The following BACH2 variants were observed in gnomAD, a reference collection of about 807,000 sequenced individuals.
BACH2 encodes the protein transcription regulator protein BACH2.
Under a neutral mutation model 61.8 loss-of-function variants are expected in BACH2, and 5 were observed. The observed-to-expected ratio is 0.08, with a 90% CI of 0.04 to 0.17. The LOEUF (loss-of-function observed/expected upper bound fraction) is 0.17. BACH2 is among the 10% of genes least tolerant of loss of function. BACH2 has a pLI of 1.00. For synonymous variants in BACH2, 446 were observed against 440.1 expected (o/e 1.01, Z -0.17); for missense variants, 824 against 1,091.1 (o/e 0.76, Z 3.45).
intron 4 of BACH2, among the ~76,000 whole-genome samples, chr6:90,180,455 G>A (rs899907061): frequency 3.9e-5 from 6 of 152,126 alleles, no homozygotes; most frequent in Non-Finnish European, 7.4e-5. Context: ...GGTAAATCCT[G>A]GGATTTTAGT....
At chr6:90,091,167 A>T (rs1380308278) in intron 4 of BACH2, among the ~76,000 whole-genome samples, 1 of 152,096 alleles carries the variant, frequency 6.6e-6, no homozygotes, top group Non-Finnish European at 1.5e-5. Context: ...TACTATGTTG[A>T]CTCATTGCCT....
chr6:89,940,682 T>C (rs1773369827), intron 7 of BACH2, among the ~76,000 whole-genome samples: 1 of 152,232 alleles, frequency 6.6e-6, no homozygotes, highest in South Asian at 2.1e-4. Flanking sequence ...CAGCCCTGTC[T>C]AATACAAACA....
intron 6 of BACH2, among the ~76,000 whole-genome samples, chr6:89,975,758 C>T (rs1213074738): frequency 6.6e-6 from 1 of 152,166 alleles, no homozygotes; most frequent in African/African-American, 2.4e-5. Flanking sequence ...AAAACAAAGT[C>T]CCACTTATCA....
chr6:90,045,662 G>A (rs1334852579), intron 5 of BACH2, among the ~76,000 whole-genome samples: 1 of 152,104 alleles, frequency 6.6e-6, no homozygotes, highest in East Asian at 1.9e-4. Flanking sequence ...AATTCTTTTG[G>A]TTACTTCAAA....
At chr6:90,053,982 G>A (rs1183849939) in intron 5 of BACH2, among the ~76,000 whole-genome samples, 2 of 152,180 alleles carry the variant, frequency 1.3e-5, no homozygotes, top group African/African-American at 4.8e-5. Flanking sequence ...GAATGCCGGT[G>A]GGGAGGAGCC....
chr6:90,218,965 G>C (rs1218206222), intron 3 of BACH2, among the ~76,000 whole-genome samples: 3 of 151,104 alleles, frequency 2.0e-5, no homozygotes, highest in African/African-American at 2.5e-5. Context: ...GTGACACAGA[G>C]AGTGAGAGTG....
intron 4 of BACH2, among the ~76,000 whole-genome samples, chr6:90,174,162 A>T (rs1767913513): frequency 6.6e-6 from 1 of 152,102 alleles, no homozygotes; most frequent in Admixed American, 6.5e-5. Flanking sequence ...TATGAACATA[A>T]ATGCAAAAAT....
chr6:90,209,360 C>T (rs1009721744), intron 3 of BACH2, among the ~76,000 whole-genome samples: 1 of 151,986 alleles, frequency 6.6e-6, no homozygotes, highest in Admixed American at 6.6e-5. Flanking sequence ...CAAGAAAATT[C>T]AATATCTAAT....
intron 6 of BACH2, among the ~76,000 whole-genome samples, chr6:89,975,308 T>G (rs1462728027): frequency 6.6e-6 from 1 of 152,274 alleles, no homozygotes; most frequent in Non-Finnish European, 1.5e-5. Flanking sequence ...GGTATGGAAC[T>G]CGACTGATAC....
chr6:90,261,229 C>T (rs2127875478), intron 2 of BACH2, among the ~76,000 whole-genome samples: 1 of 152,304 alleles, frequency 6.6e-6, no homozygotes, highest in Admixed American at 6.5e-5. Flanking sequence ...TAGCCCAAAG[C>T]TAATCTTGCC....
intron 4 of BACH2, among the ~76,000 whole-genome samples, chr6:90,090,130 TATATGA>T (rs972355049): frequency 6.6e-6 from 1 of 152,186 alleles, no homozygotes; most frequent in African/African-American, 2.4e-5. Context: ...AAATGTGAGT[TATATGA>T]ATATGAGTAT....
At chr6:90,181,043 T>A (rs763588080) in intron 4 of BACH2, among the ~76,000 whole-genome samples, 1 of 152,272 alleles carries the variant, frequency 6.6e-6, no homozygotes, top group East Asian at 1.9e-4. Context: ...AGTAGTGGGA[T>A]TGCTGGGTTG....
intron 6 of BACH2, among the ~76,000 whole-genome samples, chr6:89,954,298 C>T (rs1347952893): frequency 2.1e-5 from 3 of 143,358 alleles, no homozygotes; most frequent in Non-Finnish European, 3.1e-5. Context: ...CACAGTTTTT[C>T]TTTTTTTTTT....
chr6:90,019,243 C>T (rs973255496), intron 5 of BACH2, among the ~76,000 whole-genome samples: 7 of 152,080 alleles, frequency 4.6e-5, no homozygotes, highest in Non-Finnish European at 8.8e-5. Flanking sequence ...TCTCATTTTT[C>T]CAGTTCATTT....
At chr6:89,986,894 T>TGAATGATACGAA (rs1776271356) in intron 6 of BACH2, among the ~76,000 whole-genome samples, 1 of 152,188 alleles carries the variant, frequency 6.6e-6, no homozygotes, top group Non-Finnish European at 1.5e-5. Context: ...CTGACATCTT[T>TGAATGATACGAA]AGGTCACTCT....
At chr6:90,080,096 AAAACTTTTCTGT>A (rs1781659731) in intron 5 of BACH2, among the ~76,000 whole-genome samples, 1 of 152,090 alleles carries the variant, frequency 6.6e-6, no homozygotes, top group Non-Finnish European at 1.5e-5. Context: ...AATGTACCCA[AAAACTTTTCTGT>A]AAATTCAGGA....
intron 6 of BACH2, among the ~76,000 whole-genome samples, chr6:89,999,778 C>T (rs184240725): frequency 9.9e-5 from 15 of 152,116 alleles, no homozygotes; most frequent in East Asian, 1.9e-4. Context: ...TGAATAGATA[C>T]GCCGGTAACT....
At chr6:90,274,165 G>A (rs1246265200) in intron 1 of BACH2, among the ~76,000 whole-genome samples, 2 of 152,176 alleles carry the variant, frequency 1.3e-5, no homozygotes, top group African/African-American at 4.8e-5. Flanking sequence ...ACAACTGACA[G>A]TGCTTCCATC....
At chr6:90,070,403 A>G (rs1370513495) in intron 5 of BACH2, among the ~76,000 whole-genome samples, 2 of 152,138 alleles carry the variant, frequency 1.3e-5, no homozygotes, top group Non-Finnish European at 2.9e-5. Context: ...TTGAGGAAGT[A>G]GCTGGTTCCC....
Sources: allele counts gnomAD v4.1 joint callset (sites outside exome capture counted in the v4.1 genomes callset), GRCh38; gene constraint gnomAD v4.1.1; transcripts MANE v1.5; gene names NCBI Gene and HGNC (gene_info 2026-07-23, HGNC 2026-07-21).